The following LRRC37B variants were observed in gnomAD, a reference collection of about 807,000 sequenced individuals.
LRRC37B encodes the protein leucine rich repeat containing 37B.
LRRC37B carries 28 observed loss-of-function variants against 98.3 expected under a neutral mutation model. That is an observed-to-expected ratio of 0.28 (90% confidence interval 0.21 to 0.39). LRRC37B has a LOEUF of 0.39. Among genes scored for constraint, LRRC37B ranks in the 10% least tolerant of loss-of-function variants. The probability of loss-of-function intolerance (pLI) is 1.00; values close to 1 mark genes in which losing one functional copy is unlikely to be tolerated. For missense variants in LRRC37B, 938 were observed against 1,182.7 expected (o/e 0.79, Z 3.03); for synonymous variants, 364 against 442.7 (o/e 0.82, Z 2.23).
intron 1 of LRRC37B, among the ~76,000 whole-genome samples, chr17:32,010,027 T>C (rs1423389011): frequency 6.6e-6 from 1 of 152,228 alleles, no homozygotes; most frequent in East Asian, 1.9e-4. Flanking sequence ...GCTCATATAT[T>C]TTCTCCCCAT....
intron 1 of LRRC37B, among the ~76,000 whole-genome samples, chr17:32,014,052 A>G (rs1910597064): frequency 6.6e-6 from 1 of 152,158 alleles, no homozygotes; most frequent in African/African-American, 2.4e-5. Flanking sequence ...CCACCAAAAT[A>G]TCAATGACTT....
rs1160629445 is a variant in LRRC37B, at chr17:32,024,774, C to T, written c.1824C>T (p.Thr608=). Residue 608 remains threonine (T), a synonymous_variant, in exon 2 of 12, where the codon ACC becomes ACT. Coordinates refer to ENST00000327564, the Ensembl canonical transcript of LRRC37B. ...ATGTATGGAAAGCATACAGTTGGAC[C>T]GAGAAACTGTGAGTATATTCTCTCC... 32 of 1,604,372 alleles carry T rather than the reference C, an allele frequency of 2.0e-5. 1 individual carries two copies. The highest frequency in any genetic ancestry group is 2.2e-5 in the Non-Finnish European group (26 of 1,175,460).
At chr17:32,049,163 G>A in exon 10 of LRRC37B, 1 of 1,613,990 alleles carries the variant, frequency 6.2e-7, no homozygotes, top group Non-Finnish European at 8.5e-7. Context: ...ACGAGGATGT[G>A]AGAAAGTTCA....
chr17:32,044,540 T>C (rs1170433317), intron 7 of LRRC37B, among the ~76,000 whole-genome samples: 7 of 152,164 alleles, frequency 4.6e-5, no homozygotes, highest in South Asian at 4.1e-4. Flanking sequence ...TGGCTCATAA[T>C]GCTAAGTTTG....
chr17:32,035,098 T>C, intron 6 of LRRC37B, 117 bp downstream of exon 9: 1 of 769,362 alleles, frequency 1.3e-6, no homozygotes, highest in South Asian at 1.9e-5. Context: ...TTTAACTGAG[T>C]TATTGAAAAA....
chr17:32,044,875 C>G (rs1323819977), intron 7 of LRRC37B, among the ~76,000 whole-genome samples: 3 of 152,140 alleles, frequency 2.0e-5, no homozygotes, highest in Non-Finnish European at 4.4e-5. Flanking sequence ...AGGTGACAGA[C>G]TGAGACCTTG....
chr17:32,024,742 G>C, exon 2 of LRRC37B: 1 of 1,606,398 alleles, frequency 6.2e-7, no homozygotes, highest in Non-Finnish European at 8.5e-7. Context: ...TTCATACCTT[G>C]ATGGAAATGT....
upstream of LRRC37B, among the ~76,000 whole-genome samples, chr17:32,017,446 C>T (rs1910668595): frequency 6.6e-6 from 1 of 152,132 alleles, no homozygotes; most frequent in Non-Finnish European, 1.5e-5. Context: ...TTCCTTAGTT[C>T]TTATCTGTAA....
upstream of LRRC37B, among the ~76,000 whole-genome samples, chr17:32,017,656 C>T (rs548906009): frequency 3.2e-3 from 483 of 152,014 alleles, no homozygotes; most frequent in Non-Finnish European, 5.0e-3. Flanking sequence ...GAGAATTAGC[C>T]GGGCAGAGGG....
chr17:32,022,913 C>T, intron 1 of LRRC37B, 88 bp downstream of exon 4: 1 of 1,282,576 alleles, frequency 7.8e-7, no homozygotes, highest in South Asian at 1.2e-5. Context: ...TTCTTTATCT[C>T]CCCAAGCCAT....
chr17:32,027,101 A>G (rs1238669584), intron 2 of LRRC37B, among the ~76,000 whole-genome samples: 2 of 152,220 alleles, frequency 1.3e-5, no homozygotes, highest in Non-Finnish European at 2.9e-5. Flanking sequence ...TGTAGTTCTC[A>G]AATTTTTTTG....
intron 7 of LRRC37B, among the ~76,000 whole-genome samples, chr17:32,037,964 A>G (rs909217527): frequency 5.9e-5 from 9 of 152,076 alleles, no homozygotes; most frequent in African/African-American, 2.2e-4. Flanking sequence ...ACACACACAC[A>G]AACACACACA....
rs376516853 is a variant in LRRC37B, at chr17:32,030,675, A to G, written c.1924A>G (p.Ile642Val). ...TCCTAGAGATTTATCCTGCAATAAA[A>G]TACGATATATTGAAAGACAAACATT... is the stretch of plus-strand genomic sequence containing the variant. Residue 642 changes from isoleucine to valine, a missense_variant, in exon 4 of 12, where the codon ATA becomes GTA. By Grantham distance (29) the Ile-to-Val change is conservative (BLOSUM62 3). Coordinates refer to ENST00000327564, the Ensembl canonical transcript of LRRC37B. 116 of 1,464,886 alleles carry G rather than the reference A, an allele frequency of 7.9e-5. No individual in the cohort carries two copies. In the African/African-American group the frequency reaches 1.3e-3, roughly 16 times the overall value. 90.7% of individuals were successfully genotyped at this position (1,464,886 alleles called of 1,614,324 possible).
At chr17:32,043,012 A>G (rs1238938526) in intron 7 of LRRC37B, among the ~76,000 whole-genome samples, 7 of 151,918 alleles carry the variant, frequency 4.6e-5, no homozygotes, top group Non-Finnish European at 8.8e-5. Context: ...ATGGAGGAGA[A>G]TGCATTGGTT....
chr17:32,034,386 C>T (rs1321602519), intron 5 of LRRC37B, among the ~76,000 whole-genome samples: 1 of 151,176 alleles, frequency 6.6e-6, no homozygotes, highest in Non-Finnish European at 1.5e-5. Flanking sequence ...ACTGTAATCC[C>T]AGCTACTCAG....
At chr17:32,013,086 A>G (rs1345030392) in intron 1 of LRRC37B, among the ~76,000 whole-genome samples, 3 of 152,210 alleles carry the variant, frequency 2.0e-5, no homozygotes, top group African/African-American at 7.2e-5. Context: ...TATTAGTAAC[A>G]TAATACTGTT....
intron 7 of LRRC37B, among the ~76,000 whole-genome samples, chr17:32,039,479 AATAT>A (rs1185838390): frequency 2.6e-5 from 1 of 38,854 alleles, no homozygotes; most frequent in Non-Finnish European, 4.5e-5. Context: ...CCTGCCTAAA[AATAT>A]ATATATATAT....
intron 2 of LRRC37B, among the ~76,000 whole-genome samples, chr17:32,025,556 A>T (rs1454643779): frequency 6.6e-6 from 1 of 151,960 alleles, no homozygotes; most frequent in Non-Finnish European, 1.5e-5. Flanking sequence ...ACATCTTGCA[A>T]CTTGATTCTT....
chr17:32,023,312 G>A (rs1453907542), intron 1 of LRRC37B, among the ~76,000 whole-genome samples: 11 of 152,026 alleles, frequency 7.2e-5, no homozygotes, highest in South Asian at 2.1e-4. Flanking sequence ...TAGTAGAGAC[G>A]GGGTTTCTCC....
Sources: gnomAD v4.1 joint callset for allele counts (sites outside exome capture counted in the v4.1 genomes callset) on GRCh38, gnomAD v4.1.1 for gene constraint, MANE v1.5 for transcripts, NCBI Gene and HGNC (gene_info 2026-07-23, HGNC 2026-07-21) for gene names.